The following MACF1 variants were observed in gnomAD, a reference collection of about 807,000 sequenced individuals.
MACF1 encodes microtubule-actin cross-linking factor 1.
In MACF1, 193 loss-of-function variants were observed where a neutral mutation model predicts 854.8. That is an observed-to-expected ratio of 0.23 (90% CI 0.20 to 0.25). The LOEUF is 0.25. Among genes scored for constraint, MACF1 ranks in the 10% least tolerant of loss-of-function variants. The pLI is 1.00. For synonymous variants in MACF1, 3,185 were observed against 3,226.7 expected, an observed-to-expected ratio of 0.99 and a Z score of 0.44; for missense variants, 7,722 against 8,929.1, an observed-to-expected ratio of 0.86 and a Z score of 5.45.
intron 2 of MACF1, among the ~76,000 whole-genome samples, chr1:39,096,514 G>A (rs1391020268): frequency 6.6e-6 from 1 of 151,492 alleles, no homozygotes; most frequent in South Asian, 2.1e-4. Flanking sequence ...CACTTGAACC[G>A]GGAGGCAGAG....
chr1:39,180,999 G>A (rs537177410), intron 2 of MACF1, among the ~76,000 whole-genome samples: 5 of 152,238 alleles, frequency 3.3e-5, no homozygotes, highest in African/African-American at 7.2e-5. Context: ...TCTGCCTCCC[G>A]GGTTCAAGTG....
chr1:39,266,798 A>G (rs1645238325), intron 6 of MACF1, among the ~76,000 whole-genome samples: 1 of 152,080 alleles, frequency 6.6e-6, no homozygotes, highest in African/African-American at 2.4e-5. Flanking sequence ...CCTTTGGGTT[A>G]TAGTCTTTTC....
At chr1:39,405,075 A>G (rs767212680) in intron 58 of MACF1, among the ~76,000 whole-genome samples, 1 of 152,182 alleles carries the variant, frequency 6.6e-6, no homozygotes, top group Non-Finnish European at 1.5e-5. Flanking sequence ...GGGTCATGAG[A>G]GTTCCTGCAG....
chr1:39,324,035 T>C (rs1487129541), intron 33 of MACF1, among the ~76,000 whole-genome samples, 158 bp from the exon 34 acceptor site: 1 of 152,248 alleles, frequency 6.6e-6, no homozygotes, highest in Non-Finnish European at 1.5e-5. Flanking sequence ...TGAGCAATAC[T>C]GTAGGCTGGG....
chr1:39,217,328 G>A (rs569864536), intron 1 of MACF1, among the ~76,000 whole-genome samples: 7 of 151,346 alleles, frequency 4.6e-5, no homozygotes, highest in African/African-American at 1.7e-4. Flanking sequence ...AGGCTGGAGT[G>A]CAGTGGTATG....
chr1:39,385,830 G>A lies in MACF1; in HGVS notation c.14245G>A (p.Glu4749Lys). ...EVKEAQTLCD[E>K]LSVLIGEQYL... is the part of the protein sequence containing the mutation. Reference sequence around the variant, plus strand: ...TAAGGAGGCTCAGACACTGTGCGATGAACTCTCAGTGCTCATTGGTGAGCA... The same window carrying A: ...TAAGGAGGCTCAGACACTGTGCGATAAACTCTCAGTGCTCATTGGTGAGCA... The change falls in exon 57 of 101, where the codon GAA becomes AAA. Residue 4749 changes from glutamate to lysine, a missense_variant. Coordinates refer to ENST00000564288, the MANE Select transcript of MACF1 (RefSeq NM_001394062.1). 6.2e-7 allele frequency: 1 copy of A among 1,614,156 alleles called. No individual in the cohort carries two copies. The highest frequency in any genetic ancestry group is 2.2e-5 in the East Asian group (1 of 44,878).
intron 2 of MACF1, among the ~76,000 whole-genome samples, chr1:39,238,558 C>T (rs958744451): frequency 1.3e-5 from 2 of 152,152 alleles, no homozygotes; most frequent in African/African-American, 2.4e-5. Context: ...TTGAGCTTGT[C>T]CCCTGAACTT....
chr1:39,361,884 C>T (rs1447734303), intron 49 of MACF1, among the ~76,000 whole-genome samples: 1 of 152,202 alleles, frequency 6.6e-6, no homozygotes, highest in Non-Finnish European at 1.5e-5. Context: ...ACTCTTATTA[C>T]ATGTTCAACC....
chr1:39,410,812 G>A, intron 58 of MACF1: 1 of 1,613,958 alleles, frequency 6.2e-7, no homozygotes, highest in Non-Finnish European at 8.5e-7. Context: ...TGGTCATTTG[G>A]ACCACAGGGA....
In MACF1 at chr1:39,228,940, C is replaced by T. The variant is rs148304816; in HGVS notation, c.110-2242C>T. Among the ~76,000 whole-genome samples, 1,520 of 152,342 alleles carry T rather than the reference C, an allele frequency of 1.0e-2. 28 individuals carry two copies. Among genetic ancestry groups the T allele is most frequent in the African/African-American group, 0.033 (1,383 of 41,574 alleles). ...AAGTGCTGGGATTACAGGCGTGAGC[C>T]ACCACACCCAGCCTAATAATAATAC... On this transcript the variant is annotated intron_variant, in intron 1 of 100. Coordinates refer to ENST00000564288, the MANE Select transcript of MACF1 (RefSeq NM_001394062.1).
chr1:39,451,859 GT>G (rs940994310), intron 85 of MACF1, among the ~76,000 whole-genome samples: 31 of 152,010 alleles, frequency 2.0e-4, no homozygotes, highest in Non-Finnish European at 3.2e-4. Flanking sequence ...TTTTCTGGTT[GT>G]TTTTTTCTTT....
chr1:39,134,772 T>A lies in MACF1; in HGVS notation c.220+50334T>A, dbSNP rs190669800. Among the ~76,000 whole-genome samples the A allele has an allele frequency of 2.0e-3, 306 of 152,338 alleles. 2 individuals are homozygous for A. Among genetic ancestry groups the A allele is most frequent in the African/African-American group, 7.1e-3 (296 of 41,580 alleles). ...TCATAATAACAATACGCTTGATTTT[T>A]TTATGATAAAATACACTAATATAAC... On this transcript the variant is annotated intron_variant, in intron 2 of 93. Coordinates refer to the MACF1 transcript ENST00000361689.
At chr1:39,366,780 C>T (rs999348737) in intron 49 of MACF1, among the ~76,000 whole-genome samples, 23 of 151,152 alleles carry the variant, frequency 1.5e-4, no homozygotes, top group Admixed American at 1.3e-3. Context: ...CTGCAACCTC[C>T]GCCTCCTGGG....
In MACF1 at chr1:39,442,168, C is replaced by G; in HGVS notation, c.18796C>G (p.Gln6266Glu). 1 of 1,591,912 alleles carries G rather than the reference C, an allele frequency of 6.3e-7. No individual in the cohort carries two copies. Among genetic ancestry groups the G allele is most frequent in the Non-Finnish European group, 8.5e-7 (1 of 1,172,180 alleles). Residue 6266 changes from glutamine to glutamate, a missense_variant, in exon 76 of 101, where the codon CAA (glutamine) becomes GAA (glutamate). By Grantham distance (29) the Gln-to-Glu change is conservative (BLOSUM62 2). Around this residue, in one of 15 missense-constraint regions of MACF1, gnomAD observed 2,807 missense variants for 3,235.8 expected, o/e 0.87. Coordinates refer to ENST00000564288, the MANE Select transcript of MACF1 (RefSeq NM_001394062.1). ...EMKEFKVEVYQQQIEMEKLNH... is the reference protein window; with the variant it reads ...EMKEFKVEVYEQQIEMEKLNH... ...ACAGGAGTTCAAAGTAGAAGTTTACCAACAGCAAATTGAGATGGAGAAGCT... is the reference window on the plus strand; with the variant it reads ...ACAGGAGTTCAAAGTAGAAGTTTACGAACAGCAAATTGAGATGGAGAAGCT...
intron 2 of MACF1, among the ~76,000 whole-genome samples, chr1:39,195,074 G>A (rs1571159964): frequency 6.6e-6 from 1 of 152,298 alleles, no homozygotes. Flanking sequence ...TGTTCTTGGA[G>A]ACACTTTTTT....
At chr1:39,400,400 T>C (rs997921040) in intron 58 of MACF1, among the ~76,000 whole-genome samples, 8 of 152,226 alleles carry the variant, frequency 5.3e-5, no homozygotes, top group African/African-American at 1.9e-4. Context: ...GGCTTATATT[T>C]GGTGCTCAGC....
At chr1:39,352,804 A>G (rs1414543227) in intron 43 of MACF1, among the ~76,000 whole-genome samples, 1 of 151,804 alleles carries the variant, frequency 6.6e-6, no homozygotes, top group East Asian at 1.9e-4. Context: ...GCAGTAAGAT[A>G]TAATGAAATG....
chr1:39,114,358 C>T (rs1557462088), intron 2 of MACF1, among the ~76,000 whole-genome samples: 1 of 152,104 alleles, frequency 6.6e-6, no homozygotes. Context: ...TTGATATGCT[C>T]GCCCCTTTGA....
At position 39,447,507 on chromosome 1, in the gene MACF1, C is replaced by A. The variant is rs766335703; in HGVS notation, c.19681C>A (p.Leu6561Ile). 1 of 1,614,138 alleles carries A rather than the reference C, an allele frequency of 6.2e-7. No individual in the cohort carries two copies. The highest frequency in any genetic ancestry group is 1.1e-5 in the South Asian group (1 of 91,082). ...SLQEFINWLTLAEQSLNIASP... is the reference protein window; with the variant it reads ...SLQEFINWLTIAEQSLNIASP... ...ACAAGAATTTATCAACTGGCTCACTCTAGCAGAGCAGAGTTTAAACATCGC... is the reference window on the plus strand; with the variant it reads ...ACAAGAATTTATCAACTGGCTCACTATAGCAGAGCAGAGTTTAAACATCGC... Residue 6561 changes from leucine (L) to isoleucine (I), a missense_variant, in exon 81 of 101, where the codon CTA becomes ATA. This residue lies in a region of MACF1 where 729 missense variants were observed against 900.5 expected (regional missense o/e 0.81). Coordinates refer to ENST00000564288, the MANE Select transcript of MACF1 (RefSeq NM_001394062.1).
Sources: gnomAD v4.1 joint callset for allele counts (sites outside exome capture counted in the v4.1 genomes callset) on GRCh38, gnomAD v4.1.1 for gene constraint, gnomAD v4.1.1 regional missense constraint, MANE v1.5 for transcripts, NCBI Gene and HGNC (gene_info 2026-07-23, HGNC 2026-07-21) for gene names.